Variants in GALNT13 observed in about 807,000 individuals in gnomAD.
GALNT13 encodes polypeptide N-acetylgalactosaminyltransferase 13.
In GALNT13, 28 loss-of-function variants were observed where a neutral mutation model predicts 64.2. The observed-to-expected ratio is 0.44, with a 90% CI of 0.32 to 0.60. The LOEUF (loss-of-function observed/expected upper bound fraction) is 0.60. Among genes scored for constraint, GALNT13 ranks in the 20% least tolerant of loss-of-function variants. The pLI, the probability that GALNT13 is intolerant of heterozygous loss-of-function variation, is 0.05. For missense variants in GALNT13, 577 were observed against 669.8 expected (o/e 0.86, Z 1.53); for synonymous variants, 214 against 224.6 (o/e 0.95, Z 0.42).
chr2:153,311,933 G>A, the GALNT13 span, among the ~76,000 whole-genome samples: 4 of 152,176 alleles, frequency 2.6e-5, no homozygotes, highest in Non-Finnish European at 5.9e-5. Flanking sequence ...AAATGGATAA[G>A]GTAAGATGCT....
chr2:153,116,861 G>A, the GALNT13 span, among the ~76,000 whole-genome samples: 31 of 143,630 alleles, frequency 2.2e-4, 1 homozygote, highest in Non-Finnish European at 4.1e-4. Context: ...GTGCAGGGGC[G>A]CGATCTTGGC....
chr2:153,797,874 C>A, the GALNT13 span, among the ~76,000 whole-genome samples: 120 of 151,934 alleles, frequency 7.9e-4, 3 homozygotes, highest in Non-Finnish European at 2.8e-4. Context: ...TTTTTTTGTC[C>A]AAAGGTGAGG....
chr2:154,432,522 T>C (rs1369206299), intron 11 of GALNT13, among the ~76,000 whole-genome samples: 1 of 152,216 alleles, frequency 6.6e-6, no homozygotes, highest in East Asian at 1.9e-4. Flanking sequence ...AGTAAATTGC[T>C]TAATAGAAAT....
the GALNT13 span, among the ~76,000 whole-genome samples, chr2:153,145,666 A>G: frequency 6.6e-6 from 1 of 151,926 alleles, no homozygotes; most frequent in African/African-American, 2.4e-5. Context: ...GCTTGGTGGC[A>G]GATGGCTCCC....
the GALNT13 span, among the ~76,000 whole-genome samples, chr2:153,657,336 G>T: frequency 6.6e-6 from 1 of 151,970 alleles, no homozygotes. Context: ...CAGAATGAGC[G>T]GAAGAGGGAA....
At chr2:154,236,513 A>G (rs1305568650) in intron 4 of GALNT13, among the ~76,000 whole-genome samples, 1 of 152,152 alleles carries the variant, frequency 6.6e-6, no homozygotes, top group Non-Finnish European at 1.5e-5. Flanking sequence ...TAGAATTAAA[A>G]AAATAAACTT....
At chr2:153,792,717 A>C in the GALNT13 span, among the ~76,000 whole-genome samples, 7 of 152,146 alleles carry the variant, frequency 4.6e-5, no homozygotes, top group East Asian at 1.4e-3. Context: ...CATGAAGGTG[A>C]TTTTCCTATA....
At chr2:153,270,777 G>T in the GALNT13 span, among the ~76,000 whole-genome samples, 19 of 152,208 alleles carry the variant, frequency 1.2e-4, no homozygotes, top group African/African-American at 4.6e-4. Context: ...ACTTGAACTT[G>T]GGAGGTCGAG....
At chr2:153,195,986 TC>T in the GALNT13 span, among the ~76,000 whole-genome samples, 2 of 152,074 alleles carry the variant, frequency 1.3e-5, no homozygotes, top group Non-Finnish European at 2.9e-5. Context: ...AGAGAGTAGC[TC>T]CTCTCTGCAG....
At chr2:153,591,830 A>G in the GALNT13 span, among the ~76,000 whole-genome samples, 4 of 152,132 alleles carry the variant, frequency 2.6e-5, no homozygotes, top group Non-Finnish European at 5.9e-5. Context: ...GACAAATGGG[A>G]CTTAAATAAA....
At chr2:154,306,334 T>C (rs1693730478) in intron 9 of GALNT13, among the ~76,000 whole-genome samples, 3 of 151,880 alleles carry the variant, frequency 2.0e-5, no homozygotes, top group Admixed American at 2.0e-4. Flanking sequence ...TGGTGTGTGA[T>C]GTTCCCCTCC....
intron 4 of GALNT13, among the ~76,000 whole-genome samples, chr2:154,241,618 A>G (rs1689494524): frequency 6.6e-6 from 1 of 152,236 alleles, no homozygotes; most frequent in Admixed American, 6.5e-5. Flanking sequence ...TACATATTTC[A>G]AAACCCTTTG....
chr2:153,516,698 T>G, the GALNT13 span, among the ~76,000 whole-genome samples: 1 of 152,072 alleles, frequency 6.6e-6, no homozygotes, highest in East Asian at 1.9e-4. Flanking sequence ...CCTAGGAAAT[T>G]GTAGTAGCAT....
At chr2:153,305,450 C>T in the GALNT13 span, among the ~76,000 whole-genome samples, 4 of 152,084 alleles carry the variant, frequency 2.6e-5, no homozygotes, top group South Asian at 4.1e-4. Context: ...CTCAGGATTT[C>T]GAAGTGTTTT....
the GALNT13 span, among the ~76,000 whole-genome samples, chr2:153,866,864 G>A: frequency 5.9e-5 from 9 of 152,072 alleles, no homozygotes. Context: ...CACAAGTATA[G>A]GTGAGAAAGA....
At chr2:154,077,563 T>C (rs370178968) in intron 3 of GALNT13, among the ~76,000 whole-genome samples, 1 of 151,564 alleles carries the variant, frequency 6.6e-6, no homozygotes, top group Non-Finnish European at 1.5e-5. Context: ...TTTTAAAATA[T>C]AATATTGAAT....
At chr2:154,021,915 T>A (rs1313586293) in intron 3 of GALNT13, among the ~76,000 whole-genome samples, 3 of 151,678 alleles carry the variant, frequency 2.0e-5, no homozygotes, top group Admixed American at 6.6e-5. Context: ...GCATGAAGGG[T>A]TGTTGAATTT....
intron 1 of GALNT13, among the ~76,000 whole-genome samples, chr2:153,890,012 C>T (rs1194622858): frequency 6.6e-6 from 1 of 151,712 alleles, no homozygotes; most frequent in African/African-American, 2.4e-5. Context: ...ACTGAAGTCT[C>T]ATACTATCAA....
the GALNT13 span, among the ~76,000 whole-genome samples, chr2:153,455,944 G>A: frequency 6.6e-6 from 1 of 152,186 alleles, no homozygotes; most frequent in African/African-American, 2.4e-5. Context: ...GGGGAGCTGA[G>A]AATGGGACTG....
Sources: gnomAD v4.1 joint callset for allele counts (sites outside exome capture counted in the v4.1 genomes callset) on GRCh38, gnomAD v4.1.1 for gene constraint, MANE v1.5 for transcripts, NCBI Gene and HGNC (gene_info 2026-07-23, HGNC 2026-07-21) for gene names.